PIBF1: variants seen among roughly 807,000 people sequenced by gnomAD.
The protein encoded by PIBF1 is progesterone-induced-blocking factor 1.
In PIBF1, 90 loss-of-function variants were observed where a neutral mutation model predicts 112.5. The observed-to-expected ratio is 0.80, with a 90% CI of 0.67 to 0.95. The LOEUF (loss-of-function observed/expected upper bound fraction) is 0.95. Among genes scored for constraint, PIBF1 ranks in the 40% least tolerant of loss-of-function variants. PIBF1 has a pLI of 0.00. For missense variants in PIBF1, 915 were observed against 852.3 expected, an observed-to-expected ratio of 1.07 and a Z score of -0.92; for synonymous variants, 301 against 288.6, an observed-to-expected ratio of 1.04 and a Z score of -0.44.
At chr13:72,888,407 G>A (rs2039938555) in intron 10 of PIBF1, among the ~76,000 whole-genome samples, 1 of 152,062 alleles carries the variant, frequency 6.6e-6, no homozygotes, top group South Asian at 2.1e-4. Flanking sequence ...CATACACTTA[G>A]AGTTGCATTT....
rs1204098531 is a variant in PIBF1 at position 72,965,349 on chromosome 13, G to A, written c.1909G>A (p.Asp637Asn). 2 of 1,610,016 alleles carry A rather than the reference G, an allele frequency of 1.2e-6. No individual in the cohort carries two copies. Among genetic ancestry groups the A allele is most frequent in the Non-Finnish European group, 1.7e-6 (2 of 1,177,010 alleles). Reference sequence around the variant, plus strand: ...TCTCATTGAATCAGTGCGTCAGAGAGATTCTAAGATTGATTCACTGACGGA... The same window carrying A: ...TCTCATTGAATCAGTGCGTCAGAGAAATTCTAAGATTGATTCACTGACGGA... ...RYLIESVRQRDSKIDSLTESI... is the reference protein window; with the variant it reads ...RYLIESVRQRNSKIDSLTESI... Residue 637 changes from aspartate to asparagine, a missense_variant, in exon 15 of 18, where the codon GAT becomes AAT. Coordinates refer to ENST00000326291, the MANE Select transcript of PIBF1 (RefSeq NM_006346.4).
At chr13:72,992,596 C>T (rs1389748540) in intron 16 of PIBF1, among the ~76,000 whole-genome samples, 4 of 152,044 alleles carry the variant, frequency 2.6e-5, no homozygotes, top group Non-Finnish European at 4.4e-5. Context: ...AAGTTTGAGA[C>T]CAGCCTGCGC....
intron 17 of PIBF1, among the ~76,000 whole-genome samples, chr13:73,011,496 A>G (rs2044201736): frequency 6.6e-6 from 1 of 152,176 alleles, no homozygotes; most frequent in Non-Finnish European, 1.5e-5. Flanking sequence ...TCCCTTCAGG[A>G]GAAGCTATTT....
chr13:72,917,378 A>C (rs7330444), intron 13 of PIBF1, among the ~76,000 whole-genome samples: 113,160 of 152,044 alleles, frequency 0.74, 42,506 homozygotes, highest in African/African-American at 0.82. Flanking sequence ...ATAAGAATTT[A>C]TGTAGAATTA....
chr13:72,914,807 T>G (rs2041025398), intron 12 of PIBF1, among the ~76,000 whole-genome samples: 1 of 152,184 alleles, frequency 6.6e-6, no homozygotes, highest in South Asian at 2.1e-4. Context: ...CTCAAACTCC[T>G]GGCCTCAAGG....
At chr13:72,803,627 G>A (rs2035590617) in intron 5 of PIBF1, among the ~76,000 whole-genome samples, 1 of 152,210 alleles carries the variant, frequency 6.6e-6, no homozygotes, top group Admixed American at 6.6e-5. Flanking sequence ...ATTTAGTAAA[G>A]TGAGATAATT....
chr13:72,875,250 A>G (rs1594102339), intron 10 of PIBF1, among the ~76,000 whole-genome samples: 1 of 152,248 alleles, frequency 6.6e-6, no homozygotes, highest in East Asian at 1.9e-4. Flanking sequence ...CATATCTTTC[A>G]GTGCTGAATA....
chr13:72,823,752 T>A (rs1158530912), intron 6 of PIBF1, among the ~76,000 whole-genome samples: 1 of 152,048 alleles, frequency 6.6e-6, no homozygotes, highest in Non-Finnish European at 1.5e-5. Flanking sequence ...AATGTATCAC[T>A]TTTTTTTACT....
At chr13:72,925,417 G>T (rs1180708216) in intron 13 of PIBF1, among the ~76,000 whole-genome samples, 1 of 151,564 alleles carries the variant, frequency 6.6e-6, no homozygotes, top group Non-Finnish European at 1.5e-5. Context: ...GGTATTTATT[G>T]TTGAACTGTA....
chr13:72,814,159 C>G (rs56273196), intron 5 of PIBF1, among the ~76,000 whole-genome samples: 2 of 152,078 alleles, frequency 1.3e-5, no homozygotes, highest in East Asian at 3.9e-4. Context: ...AAAAATGGGC[C>G]GGGTGCAGTG....
intron 14 of PIBF1, among the ~76,000 whole-genome samples, chr13:72,956,872 C>A (rs1036894268): frequency 6.6e-6 from 1 of 152,124 alleles, no homozygotes; most frequent in African/African-American, 2.4e-5. Flanking sequence ...ATAGACAGTT[C>A]TCAAAAGAAG....
At chr13:72,879,572 G>C (rs967976992) in intron 10 of PIBF1, among the ~76,000 whole-genome samples, 2 of 152,198 alleles carry the variant, frequency 1.3e-5, no homozygotes, top group Admixed American at 6.5e-5. Context: ...GACAACTATA[G>C]AGAATACAAT....
At chr13:72,989,117 A>G (rs1179027734) in intron 16 of PIBF1, among the ~76,000 whole-genome samples, 1 of 152,234 alleles carries the variant, frequency 6.6e-6, no homozygotes, top group Non-Finnish European at 1.5e-5. Context: ...AAGGAAATAG[A>G]TAAAACAGTG....
chr13:72,843,507 G>C (rs1027715851), intron 9 of PIBF1, among the ~76,000 whole-genome samples: 1 of 152,206 alleles, frequency 6.6e-6, no homozygotes, highest in Non-Finnish European at 1.5e-5. Flanking sequence ...TGCCTCCCGG[G>C]TTTAAGTGAT....
Position 72,910,207 on chromosome 13 carries a change from T to G in PIBF1, c.1639+1526T>G, listed in dbSNP as rs142832874. On this transcript the variant is annotated intron_variant, in intron 12 of 17. Coordinates refer to ENST00000326291, the MANE Select transcript of PIBF1 (RefSeq NM_006346.4). The stretch of plus-strand genomic sequence containing the variant: ...TCTGATAACTGCAATAGATTTTAAA[T>G]TTATCTTCAATTTCTTCACTGGAGT... Among the ~76,000 whole-genome samples, 3 of 152,338 alleles carry G rather than the reference T, an allele frequency of 2.0e-5. No individual in the cohort carries two copies. The East Asian group carries it at 5.8e-4, about 29-fold the overall frequency.
At chr13:72,842,949 C>G (rs1057306965) in intron 9 of PIBF1, among the ~76,000 whole-genome samples, 1 of 152,142 alleles carries the variant, frequency 6.6e-6, no homozygotes, top group Admixed American at 6.6e-5. Flanking sequence ...ATTAATAATA[C>G]TTAAAAATTT....
At chr13:72,812,784 CAAA>C (rs907435967) in intron 5 of PIBF1, among the ~76,000 whole-genome samples, 2 of 144,334 alleles carry the variant, frequency 1.4e-5, no homozygotes, top group East Asian at 2.0e-4. Context: ...CAAAAAACTA[CAAA>C]AAAAAAACCC....
At chr13:72,800,297 A>G (rs1306051606) in intron 5 of PIBF1, among the ~76,000 whole-genome samples, 1 of 152,216 alleles carries the variant, frequency 6.6e-6, no homozygotes, top group Non-Finnish European at 1.5e-5. Flanking sequence ...TGGCCTCCCA[A>G]AGTGCTGGGA....
chr13:72,860,022 G>A (rs146097722), intron 10 of PIBF1, among the ~76,000 whole-genome samples: 104 of 152,278 alleles, frequency 6.8e-4, no homozygotes, highest in African/African-American at 2.4e-3. Flanking sequence ...ACAAGAAAGC[G>A]TAAAGATAGT....
Sources: gnomAD v4.1 joint callset for allele counts (sites outside exome capture counted in the v4.1 genomes callset) on GRCh38, gnomAD v4.1.1 for gene constraint, MANE v1.5 for transcripts, NCBI Gene and HGNC (gene_info 2026-07-23, HGNC 2026-07-21) for gene names.